OPCML: variants seen among roughly 807,000 people sequenced by gnomAD.
OPCML encodes the protein opioid-binding protein/cell adhesion molecule.
OPCML carries 13 observed loss-of-function variants against 37.8 expected under a neutral mutation model. That is an observed-to-expected ratio of 0.34 (90% CI 0.22 to 0.55). The LOEUF (loss-of-function observed/expected upper bound fraction) is 0.55. Among genes scored for constraint, OPCML ranks in the 20% least tolerant of loss-of-function variants. The pLI, the probability that OPCML is intolerant of heterozygous loss-of-function variation, is 0.91. For synonymous variants in OPCML, 176 were observed against 168.8 expected (o/e 1.04, Z -0.33); for missense variants, 341 against 435.6 (o/e 0.78, Z 1.93).
chr11:133,076,136 TC>T (rs1159688717), intron 1 of OPCML, among the ~76,000 whole-genome samples: 2 of 152,234 alleles, frequency 1.3e-5, no homozygotes, highest in Non-Finnish European at 2.9e-5. Context: ...TTTGTTTTTT[TC>T]ATACAATAGG....
chr11:133,086,122 A>G (rs1370301957), intron 1 of OPCML, among the ~76,000 whole-genome samples: 1 of 152,208 alleles, frequency 6.6e-6, no homozygotes, highest in South Asian at 2.1e-4. Context: ...CAAAGGTGAT[A>G]ATTCAAGCAC....
At chr11:133,024,432 G>A (rs975212178) in intron 1 of OPCML, 3 of 984,378 alleles carry the variant, frequency 3.0e-6, no homozygotes, top group African/African-American at 3.5e-5. Flanking sequence ...TGTAGGTCAA[G>A]CACACACAGG....
At chr11:133,300,599 T>TGTG (rs1326946851) in intron 1 of OPCML, 1 of 152,188 alleles carries the variant, frequency 6.6e-6, no homozygotes, top group African/African-American at 2.4e-5. Context: ...ATGGGAATCG[T>TGTG]GTGGTGAGCG....
At chr11:132,820,930 T>C (rs1310503876) in intron 2 of OPCML, among the ~76,000 whole-genome samples, 1 of 152,190 alleles carries the variant, frequency 6.6e-6, no homozygotes, top group Non-Finnish European at 1.5e-5. Flanking sequence ...CCAGATATTT[T>C]AGTCTTCCCC....
chr11:133,480,751 C>T (rs1243404741), intron 1 of OPCML, among the ~76,000 whole-genome samples: 1 of 152,238 alleles, frequency 6.6e-6, no homozygotes, highest in Non-Finnish European at 1.5e-5. Flanking sequence ...CCATCCATAT[C>T]TGACTTTCCT....
intron 2 of OPCML, among the ~76,000 whole-genome samples, chr11:132,830,381 C>A (rs67713741): frequency 0.071 from 10,765 of 152,212 alleles, 436 homozygotes; most frequent in Non-Finnish European, 0.082. Flanking sequence ...ATGGAATCAT[C>A]CTGCCTTGAC....
intron 1 of OPCML, among the ~76,000 whole-genome samples, chr11:133,516,229 CGTGTCAGT>C (rs1948268830): frequency 6.6e-6 from 1 of 152,160 alleles, no homozygotes; most frequent in Non-Finnish European, 1.5e-5. Flanking sequence ...GGAGAGGCTT[CGTGTCAGT>C]CTCCATCAGA....
intron 2 of OPCML, among the ~76,000 whole-genome samples, chr11:132,912,993 G>C (rs1385068857): frequency 6.6e-6 from 1 of 152,316 alleles, no homozygotes; most frequent in East Asian, 1.9e-4. Context: ...TAATCCTTGA[G>C]GAGAGGCATT....
intron 1 of OPCML, chr11:133,361,538 G>A (rs1447816610): frequency 4.5e-5 from 7 of 156,374 alleles, no homozygotes; most frequent in Non-Finnish European, 9.9e-5. Context: ...GTGTCCCGGC[G>A]CGCAGACAGG....
intron 2 of OPCML, among the ~76,000 whole-genome samples, chr11:132,895,147 G>A (rs1259711091): frequency 6.6e-6 from 1 of 152,124 alleles, no homozygotes; most frequent in Non-Finnish European, 1.5e-5. Flanking sequence ...ACAGCACAGA[G>A]AGCACTGAAC....
intron 1 of OPCML, among the ~76,000 whole-genome samples, chr11:133,274,753 C>CCATCTT: frequency 6.6e-6 from 1 of 152,192 alleles, no homozygotes; most frequent in South Asian, 2.1e-4. Flanking sequence ...TGTTACCATC[C>CCATCTT]CATCTTCAGT....
chr11:132,562,759 C>A (rs960624412), intron 3 of OPCML, among the ~76,000 whole-genome samples: 2 of 151,900 alleles, frequency 1.3e-5, no homozygotes, highest in African/African-American at 2.4e-5. Flanking sequence ...ATCTGGGAGA[C>A]CTTTGGGTTG....
At chr11:133,191,493 CTGTGTGTGTGGGTGTG>C (rs1356983499) in intron 1 of OPCML, among the ~76,000 whole-genome samples, 73 of 119,714 alleles carry the variant, frequency 6.1e-4, no homozygotes, top group African/African-American at 2.3e-3. Context: ...TTTTTCTTTT[CTGTGTGTGTGGGTGTG>C]TGTGTGTGTG....
chr11:132,748,425 T>C (rs908586245), intron 2 of OPCML, among the ~76,000 whole-genome samples: 2 of 152,210 alleles, frequency 1.3e-5, no homozygotes, highest in African/African-American at 4.8e-5. Flanking sequence ...CCCAGCATCA[T>C]GCAGCTTATC....
At chr11:132,926,483 A>G (rs1453876470) in intron 2 of OPCML, among the ~76,000 whole-genome samples, 1 of 152,210 alleles carries the variant, frequency 6.6e-6, no homozygotes, top group African/African-American at 2.4e-5. Flanking sequence ...CCATGTGTAT[A>G]CAGGAATGGA....
intron 3 of OPCML, among the ~76,000 whole-genome samples, chr11:132,641,427 C>T (rs1005705369): frequency 1.3e-5 from 2 of 152,270 alleles, no homozygotes; most frequent in East Asian, 3.9e-4. Context: ...CCAGCACCTG[C>T]CTGGCACTTT....
chr11:132,839,902 A>G (rs1415146484), intron 2 of OPCML, among the ~76,000 whole-genome samples: 1 of 152,160 alleles, frequency 6.6e-6, no homozygotes. Flanking sequence ...CTTTGTGGAC[A>G]GAGTGTCTTC....
intron 2 of OPCML, among the ~76,000 whole-genome samples, chr11:132,825,737 C>G (rs969797869): frequency 6.6e-6 from 1 of 152,078 alleles, no homozygotes; most frequent in East Asian, 1.9e-4. Flanking sequence ...GCTTATTAAC[C>G]TAAATGCATT....
At chr11:133,308,486 G>C (rs986770754) in intron 1 of OPCML, among the ~76,000 whole-genome samples, 1 of 152,104 alleles carries the variant, frequency 6.6e-6, no homozygotes, top group African/African-American at 2.4e-5. Context: ...GCTGAGTAGA[G>C]TCAAAGCTAT....
Sources: gnomAD v4.1 joint callset for allele counts (sites outside exome capture counted in the v4.1 genomes callset) on GRCh38, gnomAD v4.1.1 for gene constraint, MANE v1.5 for transcripts, NCBI Gene and HGNC (gene_info 2026-07-23, HGNC 2026-07-21) for gene names.